MAGI2: variants seen among roughly 807,000 people sequenced by gnomAD.
The protein encoded by MAGI2 is membrane associated guanylate kinase, WW and PDZ domain containing 2, also known as membrane-associated guanylate kinase, WW and PDZ domain-containing protein 2.
MAGI2 carries 35 observed loss-of-function variants against 133.3 expected under a neutral mutation model. The ratio of observed to expected loss-of-function variants is 0.26; its 90% CI spans 0.20 to 0.35. MAGI2 has a LOEUF of 0.35. MAGI2 is among the 10% of genes least tolerant of loss of function. The pLI is 1.00. For missense variants in MAGI2, 1,636 were observed against 1,863.4 expected, an observed-to-expected ratio of 0.88 and a Z score of 2.25; for synonymous variants, 729 against 710.6, an observed-to-expected ratio of 1.03 and a Z score of -0.41.
At chr7:79,220,973 C>T (rs1320285331) in intron 1 of MAGI2, among the ~76,000 whole-genome samples, 3 of 151,932 alleles carry the variant, frequency 2.0e-5, no homozygotes, top group African/African-American at 7.3e-5. Context: ...AATTCACCAC[C>T]AGTAAACGGG....
chr7:78,499,051 A>C (rs924923079), intron 5 of MAGI2, among the ~76,000 whole-genome samples: 2 of 107,538 alleles, frequency 1.9e-5, no homozygotes, highest in African/African-American at 1.0e-4. Context: ...AAAACTACAA[A>C]CTCAAACAAC....
chr7:79,315,457 G>C (rs1014505611), intron 1 of MAGI2, among the ~76,000 whole-genome samples: 4 of 151,526 alleles, frequency 2.6e-5, no homozygotes, highest in African/African-American at 9.7e-5. Context: ...TTATAGGTGT[G>C]AGCCACTGTG....
chr7:79,422,655 AT>A (rs750563428), intron 1 of MAGI2, among the ~76,000 whole-genome samples: 7 of 151,538 alleles, frequency 4.6e-5, no homozygotes, highest in East Asian at 1.9e-4. Flanking sequence ...TTTGTTTGGT[AT>A]TTTTTTTGTG....
intron 1 of MAGI2, among the ~76,000 whole-genome samples, chr7:79,017,220 G>T (rs1472299765): frequency 5.3e-5 from 8 of 152,182 alleles, no homozygotes; most frequent in African/African-American, 1.9e-4. Flanking sequence ...AACAATTCAG[G>T]CCCCTCCAGT....
intron 1 of MAGI2, among the ~76,000 whole-genome samples, chr7:79,424,152 T>C (rs1166081197): frequency 2.6e-5 from 4 of 152,094 alleles, no homozygotes; most frequent in Non-Finnish European, 2.9e-5. Context: ...CTAGTGTCCA[T>C]GTGCAGTAGA....
chr7:78,236,601 T>C (rs1007771882), intron 10 of MAGI2, among the ~76,000 whole-genome samples: 12 of 152,180 alleles, frequency 7.9e-5, no homozygotes, highest in African/African-American at 2.7e-4. Flanking sequence ...CTAGAACAAT[T>C]ACTTACATTT....
At chr7:78,164,096 A>G (rs1524743) in intron 15 of MAGI2, among the ~76,000 whole-genome samples, 18,283 of 151,952 alleles carry the variant, frequency 0.12, 1,162 homozygotes, top group East Asian at 0.17. Context: ...TCTTGCAAAT[A>G]CCTCATTTAC....
At chr7:78,757,056 A>C (rs1189481570) in intron 2 of MAGI2, among the ~76,000 whole-genome samples, 1 of 152,038 alleles carries the variant, frequency 6.6e-6, no homozygotes, top group African/African-American at 2.4e-5. Context: ...TCCCACCATA[A>C]TCTTGCTTCC....
chr7:78,968,110 C>T (rs796959518), intron 2 of MAGI2, among the ~76,000 whole-genome samples: 2 of 152,122 alleles, frequency 1.3e-5, no homozygotes, highest in Admixed American at 6.6e-5. Flanking sequence ...GGATTACAGG[C>T]GTGAGCCACC....
At chr7:78,358,644 T>C (rs970995046) in intron 7 of MAGI2, 1 of 197,268 alleles carries the variant, frequency 5.1e-6, no homozygotes, top group Non-Finnish European at 1.0e-5. Flanking sequence ...CTTTAGGTTG[T>C]ACGACTGAAG....
chr7:78,121,523 T>C (rs1411222979), intron 20 of MAGI2, among the ~76,000 whole-genome samples: 1 of 152,222 alleles, frequency 6.6e-6, no homozygotes, highest in Non-Finnish European at 1.5e-5. Flanking sequence ...AATCAAGAAA[T>C]GCAAATCCAA....
At chr7:79,278,729 C>G (rs1241503526) in intron 1 of MAGI2, among the ~76,000 whole-genome samples, 1 of 152,074 alleles carries the variant, frequency 6.6e-6, no homozygotes, top group South Asian at 2.1e-4. Flanking sequence ...TGCTTATAGA[C>G]AGTGGGCTAT....
chr7:78,478,842 T>C (rs1792059143), intron 6 of MAGI2, among the ~76,000 whole-genome samples: 1 of 151,836 alleles, frequency 6.6e-6, no homozygotes, highest in Non-Finnish European at 1.5e-5. Context: ...ACAACAGGCA[T>C]CAACAAACAA....
chr7:78,389,911 C>T (rs922701724), intron 6 of MAGI2, among the ~76,000 whole-genome samples: 1 of 152,156 alleles, frequency 6.6e-6, no homozygotes, highest in Non-Finnish European at 1.5e-5. Flanking sequence ...TTGGAACATA[C>T]GTAGACTCTT....
At chr7:78,573,289 T>G (rs1238332513) in intron 3 of MAGI2, among the ~76,000 whole-genome samples, 2 of 57,510 alleles carry the variant, frequency 3.5e-5, no homozygotes, top group Non-Finnish European at 5.8e-5. Context: ...TATATTTATA[T>G]AAATATATAT....
intron 7 of MAGI2, among the ~76,000 whole-genome samples, chr7:78,367,377 G>A (rs1793487104): frequency 6.6e-6 from 1 of 152,140 alleles, no homozygotes; most frequent in Admixed American, 6.5e-5. Flanking sequence ...GAAAGGAGCT[G>A]AAGATATGAA....
chr7:79,167,643 C>T (rs369082128), intron 1 of MAGI2, among the ~76,000 whole-genome samples: 2 of 152,192 alleles, frequency 1.3e-5, no homozygotes, highest in East Asian at 3.9e-4. Flanking sequence ...CCTGCTAAAT[C>T]TGTCCCTATG....
At chr7:78,732,887 G>A (rs1172782470) in intron 2 of MAGI2, among the ~76,000 whole-genome samples, 2 of 152,100 alleles carry the variant, frequency 1.3e-5, no homozygotes, top group Non-Finnish European at 2.9e-5. Context: ...CCATAAACTG[G>A]ACTGCTGGAG....
chr7:78,866,481 C>A (rs1362434278), intron 2 of MAGI2, among the ~76,000 whole-genome samples: 2 of 151,968 alleles, frequency 1.3e-5, no homozygotes, highest in Non-Finnish European at 2.9e-5. Context: ...ATTAAGAAGA[C>A]CATTAGTCAA....
Sources: gnomAD v4.1 joint callset for allele counts (sites outside exome capture counted in the v4.1 genomes callset) on GRCh38, gnomAD v4.1.1 for gene constraint, MANE v1.5 for transcripts, NCBI Gene and HGNC (gene_info 2026-07-23, HGNC 2026-07-21) for gene names.